Variants in ANKLE2 observed in about 807,000 individuals in gnomAD.
ANKLE2 encodes the protein ankyrin repeat and LEM domain containing 2.
A neutral mutation model predicts 84.2 loss-of-function variants in ANKLE2; 55 were observed. The observed-to-expected ratio is 0.65, with a 90% CI of 0.53 to 0.82. The LOEUF (loss-of-function observed/expected upper bound fraction) is 0.82. Ranked by LOEUF, ANKLE2 falls within the 40% of genes least tolerant of loss-of-function variation. ANKLE2 has a pLI of 0.00. For synonymous variants in ANKLE2, 551 were observed against 486.1 expected (o/e 1.13, Z -1.76); for missense variants, 1,238 against 1,201.9 (o/e 1.03, Z -0.44).
Position 132,759,133 on chromosome 12 carries a change from C to T in ANKLE2, c.181+2485G>A, listed in dbSNP as rs112058126. The T allele has an allele frequency of 2.1e-3, 112 of 54,624 alleles. 2 individuals are homozygous for T. The highest frequency in any genetic ancestry group is 4.6e-3 in the East Asian group (8 of 1,732). 3.4% of individuals were successfully genotyped at this position (54,624 alleles called of 1,614,324 possible). A position where few individuals can be genotyped will look rare whatever the true frequency, so the allele number is the denominator to read the frequency against. ...GAGTGGATCACGCAGAGTGGCACCC[C>T]GGGGCACCCACGTGGCAGAGAGGAT... On this transcript the variant is annotated intron_variant, in intron 1 of 12. Coordinates refer to ENST00000357997, the MANE Select transcript of ANKLE2 (RefSeq NM_015114.3).
intron 10 of ANKLE2, 111 bp downstream of exon 10, chr12:132,734,274 G>C (rs1277560056): frequency 8.6e-7 from 1 of 1,167,920 alleles, no homozygotes; most frequent in African/African-American, 1.6e-5. Flanking sequence ...GAAAGTACCA[G>C]ACCTTTACGT....
chr12:132,761,545 C>G, intron 1 of ANKLE2, 73 bp downstream of exon 1: 1 of 1,156,298 alleles, frequency 8.6e-7, no homozygotes, highest in Non-Finnish European at 1.1e-6. Flanking sequence ...CGGCCGGGAC[C>G]CCAGGCCCGA....
At position 132,730,202 on chromosome 12, in the gene ANKLE2, G is replaced by A. The variant is rs371242395; in HGVS notation, c.1960C>T (p.Arg654Trp). The stretch of plus-strand genomic sequence containing the variant: ...CTGTTATTTCGAGCTGCATTTTGCC[G>A]ATTTTTTATTTCTTCCAAGCTCATG... ...DDMSLEEIKN[R>W]QNAARNNSPP... The change falls in exon 11 of 13, where the codon CGG becomes TGG. Residue 654 changes from arginine (R) to tryptophan (W), a missense_variant. Physicochemically the swap from Arg to Trp is moderately radical, Grantham distance 101. This residue lies in a region of ANKLE2 where 802 missense variants were observed against 774.5 expected (regional missense o/e 1.04). Transcript: ENST00000357997. The A allele has an allele frequency of 1.2e-5, 19 of 1,598,020 alleles. No homozygotes were observed. Among genetic ancestry groups the A allele is most frequent in the Admixed American group, 1.8e-5 (1 of 56,500 alleles).
intron 3 of ANKLE2, among the ~76,000 whole-genome samples, chr12:132,749,297 A>G (rs766088499): frequency 3.9e-4 from 59 of 152,098 alleles, no homozygotes; most frequent in Non-Finnish European, 6.2e-4. Context: ...CTGGGATTAC[A>G]GGCACCTGCC....
chr12:132,754,871 C>T lies in ANKLE2; in HGVS notation c.444G>A (p.Gln148=), dbSNP rs546278482. The stretch of plus-strand genomic sequence containing the variant: ...AATCTCTGTCTTCAGAAAAACCAGC[C>T]TGATCAGTTGGGTTCCCTTCAGCTG... ...LKPAEGNPTD[Q]AGFSEDRDFG... Residue 148 remains glutamine, a synonymous_variant, in exon 2 of 13, where the codon CAG becomes CAA. Coordinates refer to ENST00000357997, the MANE Select transcript of ANKLE2 (RefSeq NM_015114.3). The T allele has an allele frequency of 6.2e-7, 1 of 1,614,198 alleles. No homozygotes were observed. Among genetic ancestry groups the T allele is most frequent in the African/African-American group, 1.3e-5 (1 of 75,046 alleles).
intron 10 of ANKLE2, chr12:132,732,159 CATCCT>C (rs2043867218): frequency 4.2e-5 from 6 of 143,484 alleles, no homozygotes; most frequent in Non-Finnish European, 7.6e-5. Flanking sequence ...AAGCGCTCTG[CATCCT>C]GGTGTCTGAT....
intron 5 of ANKLE2, among the ~76,000 whole-genome samples, chr12:132,746,341 T>G (rs1170979775): frequency 9.6e-6 from 1 of 104,288 alleles, no homozygotes; most frequent in Non-Finnish European, 2.0e-5. Context: ...AGAGCAAGAC[T>G]CTGTCTCAAA....
intron 7 of ANKLE2, 102 bp downstream of exon 7, chr12:132,741,317 G>A (rs2044117727): frequency 8.5e-6 from 10 of 1,181,308 alleles, no homozygotes; most frequent in South Asian, 1.3e-5. Flanking sequence ...GCCGGCACAC[G>A]CCCGGGGAGC....
chr12:132,760,347 C>G (rs1197603761), intron 1 of ANKLE2: 3 of 152,174 alleles, frequency 2.0e-5, no homozygotes, highest in Non-Finnish European at 4.4e-5. Flanking sequence ...CGCAGGTCGT[C>G]AGTTCTGCAG....
At chr12:132,761,539 C>T (rs1344496766) in intron 1 of ANKLE2, 79 bp downstream of exon 1, 5 of 1,133,950 alleles carry the variant, frequency 4.4e-6, no homozygotes, top group Non-Finnish European at 5.5e-6. Flanking sequence ...GGGGCGCGGC[C>T]GGGACCCCAG....
intron 1 of ANKLE2, chr12:132,757,063 G>T (rs1365203187): frequency 6.6e-6 from 1 of 152,224 alleles, no homozygotes; most frequent in Non-Finnish European, 1.5e-5. Flanking sequence ...GTAACACAGG[G>T]GAAGCTAACC....
chr12:132,761,519 G>T, intron 1 of ANKLE2, 99 bp downstream of exon 1: 1 of 1,039,070 alleles, frequency 9.6e-7, no homozygotes, highest in Non-Finnish European at 1.2e-6. Context: ...CCCAACTGCT[G>T]CCGGCTCCAG....
At chr12:132,754,548 G>T in intron 2 of ANKLE2, 127 bp downstream of exon 2, 1 of 842,366 alleles carries the variant, frequency 1.2e-6, no homozygotes. Flanking sequence ...ATGGTTAACT[G>T]GGGTGATGAG....
In ANKLE2 at chr12:132,747,828, G is replaced by T. The variant is rs762694884; in HGVS notation, c.1230+4C>A. The T allele has an allele frequency of 6.3e-7, 1 of 1,591,990 alleles. No individual in the cohort carries two copies. Among genetic ancestry groups the T allele is most frequent in the Non-Finnish European group, 8.5e-7 (1 of 1,174,730 alleles). On this transcript the variant is annotated splice_donor_region_variant and intron_variant, in intron 5 of 12. Transcript: ENST00000357997. ...GAAAGCGTGAGTGGAGGGTGTGCAC[G>T]CACCATCTTGTCGGGGGTGTTGAGG...
chr12:132,734,003 G>C (rs756356599), intron 10 of ANKLE2: 2 of 461,042 alleles, frequency 4.3e-6, no homozygotes, highest in East Asian at 1.4e-4. Flanking sequence ...AACCTTCCCA[G>C]CACTCTAGTG....
At chr12:132,736,183 C>T (rs2044005200) in intron 8 of ANKLE2, among the ~76,000 whole-genome samples, 1 of 152,188 alleles carries the variant, frequency 6.6e-6, no homozygotes, top group Non-Finnish European at 1.5e-5. Context: ...ATCTCCTGAC[C>T]TCGTGATCCA....
chr12:132,733,873 C>A (rs2043948973), intron 10 of ANKLE2: 2 of 436,242 alleles, frequency 4.6e-6, no homozygotes, highest in Non-Finnish European at 9.2e-6. Flanking sequence ...GAGAAAACGG[C>A]ACAGAATGAA....
chr12:132,740,111 C>G (rs1172348037), intron 7 of ANKLE2, among the ~76,000 whole-genome samples: 1 of 152,256 alleles, frequency 6.6e-6, no homozygotes, highest in African/African-American at 2.4e-5. Flanking sequence ...AGACTCTCGG[C>G]TCTTCAGGGA....
At chr12:132,727,585 CACACGCCCGGG>C (rs2043731154) in intron 12 of ANKLE2, 142 bp from the exon 13 acceptor site, 1 of 696,698 alleles carries the variant, frequency 1.4e-6, no homozygotes, top group Non-Finnish European at 2.3e-6. Flanking sequence ...ACCGCGGGCA[CACACGCCCGGG>C]TGGAAGAGAC....
Sources: gnomAD v4.1 joint callset for allele counts (sites outside exome capture counted in the v4.1 genomes callset) on GRCh38, gnomAD v4.1.1 for gene constraint, gnomAD v4.1.1 regional missense constraint, MANE v1.5 for transcripts, NCBI Gene and HGNC (gene_info 2026-07-23, HGNC 2026-07-21) for gene names.